Variants in GALNT18 observed in about 807,000 individuals in gnomAD.
GALNT18 encodes the protein GalNAc-transferase 18.
GALNT18 carries 44 observed loss-of-function variants against 69.5 expected under a neutral mutation model. The ratio of observed to expected loss-of-function variants is 0.63; its 90% confidence interval spans 0.50 to 0.81. The LOEUF (loss-of-function observed/expected upper bound fraction) is 0.81, where lower values mean the gene tolerates loss of function less well. Ranked by LOEUF, GALNT18 falls within the 40% of genes least tolerant of loss-of-function variation. The probability of loss-of-function intolerance (pLI) is 0.00; values close to 1 mark genes in which losing one functional copy is unlikely to be tolerated. For missense variants in GALNT18, 715 were observed against 810.0 expected (o/e 0.88, Z 1.42); for synonymous variants, 364 against 318.2 (o/e 1.14, Z -1.53).
chr11:11,470,681 G>T lies in GALNT18; in HGVS notation c.236-21745C>A, dbSNP rs982811492. Among the ~76,000 whole-genome samples, 1 of 152,082 alleles carries T rather than the reference G, an allele frequency of 6.6e-6. No homozygotes were observed. Among genetic ancestry groups the T allele is most frequent in the South Asian group, 2.1e-4 (1 of 4,822 alleles). On this transcript the variant is annotated intron_variant, in intron 1 of 10. Transcript: ENST00000227756. The surrounding 1 kb of genome is among the most constrained non-coding windows in gnomAD (Gnocchi z 4.8). ...ACCCCTTTCAGGCTCCACTAGCTGG[G>T]TCCCTTGGCAAATTCTCAGACCCCT...
At chr11:11,427,176 G>A (rs1855151906) in intron 3 of GALNT18, among the ~76,000 whole-genome samples, 1 of 152,194 alleles carries the variant, frequency 6.6e-6, no homozygotes, top group Admixed American at 6.5e-5. Flanking sequence ...CTGAAAAAGT[G>A]GAGCTTGTTG....
At chr11:11,594,861 A>ACT in intron 1 of GALNT18, among the ~76,000 whole-genome samples, 1 of 146,006 alleles carries the variant, frequency 6.8e-6, no homozygotes, top group East Asian at 2.0e-4. Flanking sequence ...ATACATACAC[A>ACT]CACATAAATA....
chr11:11,361,743 A>C lies in GALNT18; in HGVS notation c.1092+10772T>G, dbSNP rs368860853. 3.5e-4 allele frequency among the ~76,000 whole-genome samples: 53 copies of C among 152,314 alleles called. 2 individuals carry two copies. Among genetic ancestry groups the C allele is most frequent in the African/African-American group, 1.2e-3 (51 of 41,566 alleles). On this transcript the variant is annotated intron_variant, in intron 6 of 10. Coordinates refer to ENST00000227756, the MANE Select transcript of GALNT18 (RefSeq NM_198516.3). ...TAAATTCAAAGCCTGCTCTTTCAGC[A>C]CATACTAGGCTCCAAGCACATTATG... is the stretch of plus-strand genomic sequence containing the variant.
chr11:11,463,225 C>CAGAG lies in GALNT18; in HGVS notation c.236-14293_236-14290dup, dbSNP rs367803547. The stretch of plus-strand genomic sequence containing the variant: ...AGACAGACAGACACACACACACACA[C>CAGAG]AGAGAGAGAGAGAGAGAGTTCCAGA... On this transcript the variant is annotated intron_variant, in intron 1 of 10. Coordinates refer to ENST00000227756, the MANE Select transcript of GALNT18 (RefSeq NM_198516.3). This position sits in a 1 kb window ranked among gnomAD's most constrained non-coding sequence, Gnocchi z 4.2. Among the ~76,000 whole-genome samples the CAGAG allele has an allele frequency of 3.1e-5, 2 of 64,528 alleles. No individual in the cohort carries two copies. The highest frequency in any genetic ancestry group is 9.2e-5 in the African/African-American group (2 of 21,728). The allele number at this position is 64,528 out of a possible 152,430, so 42.3% of individuals were successfully genotyped here.
At chr11:11,379,334 C>T in intron 3 of GALNT18, 70 bp from the exon 4 acceptor site, 1 of 1,454,970 alleles carries the variant, frequency 6.9e-7, no homozygotes, top group South Asian at 1.3e-5. Context: ...TCACAACAGT[C>T]ACTCTTTTAG....
chr11:11,374,173 C>T (rs1202249458), intron 5 of GALNT18, among the ~76,000 whole-genome samples: 1 of 152,168 alleles, frequency 6.6e-6, no homozygotes, highest in Non-Finnish European at 1.5e-5. Context: ...CAGACTGAGA[C>T]CCTGCTGTGG....
chr11:11,525,051 A>C (rs978088262), intron 1 of GALNT18, among the ~76,000 whole-genome samples: 12 of 152,174 alleles, frequency 7.9e-5, no homozygotes, highest in Non-Finnish European at 1.6e-4. Flanking sequence ...AAGAGAAAGG[A>C]GGGGATTTCA....
intron 3 of GALNT18, among the ~76,000 whole-genome samples, chr11:11,431,756 C>T (rs969593539): frequency 6.6e-6 from 1 of 152,194 alleles, no homozygotes; most frequent in Admixed American, 6.5e-5. Context: ...TATTACCTGA[C>T]AGCAAAGAAA....
At chr11:11,273,534 A>G (rs1163409450) in intron 10 of GALNT18, among the ~76,000 whole-genome samples, 4 of 152,234 alleles carry the variant, frequency 2.6e-5, no homozygotes, top group Non-Finnish European at 4.4e-5. Flanking sequence ...ACCGAAAGAC[A>G]GGCAATAATA....
chr11:11,321,601 G>C (rs778278075), intron 9 of GALNT18, among the ~76,000 whole-genome samples: 1 of 152,004 alleles, frequency 6.6e-6, no homozygotes, highest in Non-Finnish European at 1.5e-5. Flanking sequence ...TTATGAGTAG[G>C]TTTTCTGTTT....
intron 1 of GALNT18, among the ~76,000 whole-genome samples, chr11:11,530,201 A>G (rs1386715577): frequency 7.0e-6 from 1 of 142,374 alleles, no homozygotes; most frequent in Non-Finnish European, 1.6e-5. Flanking sequence ...CCAGCCCTAA[A>G]GCAACTCAGA....
chr11:11,499,648 C>A (rs1309741306), intron 1 of GALNT18, among the ~76,000 whole-genome samples: 1 of 152,232 alleles, frequency 6.6e-6, no homozygotes, highest in African/African-American at 2.4e-5. Flanking sequence ...CCTCCAGGAA[C>A]CCCAGGCCTC....
intron 10 of GALNT18, among the ~76,000 whole-genome samples, chr11:11,273,556 G>A (rs999080570): frequency 2.6e-5 from 4 of 152,180 alleles, no homozygotes; most frequent in Non-Finnish European, 4.4e-5. Context: ...ATGCTGGTGA[G>A]GATGTAGAGA....
intron 1 of GALNT18, among the ~76,000 whole-genome samples, chr11:11,537,365 GAA>G (rs10718472): frequency 6.6e-6 from 1 of 151,936 alleles, no homozygotes; most frequent in African/African-American, 2.4e-5. Flanking sequence ...ACAAGTCAGG[GAA>G]AAAAAAATCC....
At chr11:11,406,093 T>C (rs1012292262) in intron 3 of GALNT18, among the ~76,000 whole-genome samples, 1 of 152,222 alleles carries the variant, frequency 6.6e-6, no homozygotes, top group African/African-American at 2.4e-5. Context: ...CCTATTGTGA[T>C]TTTCTCCTTG....
At chr11:11,547,143 T>C (rs903271422) in intron 1 of GALNT18, among the ~76,000 whole-genome samples, 4 of 152,196 alleles carry the variant, frequency 2.6e-5, no homozygotes, top group African/African-American at 9.7e-5. Flanking sequence ...ATACACATAG[T>C]AGGTGCACAA....
intron 10 of GALNT18, among the ~76,000 whole-genome samples, chr11:11,286,013 T>C (rs1178737889): frequency 6.6e-6 from 1 of 152,170 alleles, no homozygotes; most frequent in African/African-American, 2.4e-5. Flanking sequence ...GACATCTCTG[T>C]GGCTATCCGC....
rs970070121 is a variant in GALNT18 at position 11,621,394 on chromosome 11, T to C, written c.200A>G (p.Asp67Gly). The C allele has an allele frequency of 3.7e-6, 6 of 1,613,912 alleles. No homozygotes were observed. The highest frequency in any genetic ancestry group is 5.1e-6 in the Non-Finnish European group (6 of 1,179,996). ...GDTLKIIERL[D>G]HLENVIKQHI... ...CTGCTTGATGACATTCTCCAGGTGG[T>C]CCAGCCGCTCAATAATCTTCAGAGT... is the stretch of plus-strand genomic sequence containing the variant. The change falls in exon 1 of 11, where the codon GAC (aspartate) becomes GGC (glycine). Residue 67 changes from aspartate (D) to glycine (G), a missense_variant. Transcript: ENST00000227756. The surrounding 1 kb of genome is among the most constrained non-coding windows in gnomAD (Gnocchi z 9.3).
At position 11,619,177 on chromosome 11, in the gene GALNT18, C is replaced by A. The variant is rs765010800; in HGVS notation, c.235+2182G>T. 6.6e-6 allele frequency among the ~76,000 whole-genome samples: 1 copy of A among 152,186 alleles called. No homozygotes were observed. Among genetic ancestry groups the A allele is most frequent in the African/African-American group, 2.4e-5 (1 of 41,444 alleles). ...TTCCAGTCTTTCCAAGTCACTGACC[C>A]TTCCCTACCTTCCTATAGGTGGCAG... On this transcript the variant is annotated intron_variant, in intron 1 of 10. Transcript: ENST00000227756. This position sits in a 1 kb window ranked among gnomAD's most constrained non-coding sequence, Gnocchi z 4.9.
Sources: gnomAD v4.1 joint callset for allele counts (sites outside exome capture counted in the v4.1 genomes callset) on GRCh38, gnomAD v4.1.1 for gene constraint, Gnocchi (gnomAD v3.1) non-coding constraint, MANE v1.5 for transcripts, NCBI Gene and HGNC (gene_info 2026-07-23, HGNC 2026-07-21) for gene names.